Variants in CIMAP1D observed in about 807,000 individuals in gnomAD.
CIMAP1D encodes the protein protein CIMAP1D.
the CIMAP1D span, among the ~76,000 whole-genome samples, chr19:480,672 G>GGATGATGGAGAAC: frequency 2.6e-5 from 2 of 76,888 alleles, no homozygotes; most frequent in African/African-American, 1.5e-4. Flanking sequence ...TGATGGAGAA[G>GGATGATGGAGAAC]GATGATGGAG....
chr19:482,661 G>A, the CIMAP1D span, among the ~76,000 whole-genome samples: 1 of 152,138 alleles, frequency 6.6e-6, no homozygotes, highest in African/African-American at 2.4e-5. Context: ...CCAGCTCTGT[G>A]CTCACAGGCG....
the CIMAP1D span, among the ~76,000 whole-genome samples, chr19:483,559 G>A: frequency 6.6e-6 from 1 of 152,198 alleles, no homozygotes; most frequent in East Asian, 1.9e-4. Flanking sequence ...TGCCCCCAGG[G>A]GACGCTGGGC....
At chr19:483,435 GA>G in the CIMAP1D span, among the ~76,000 whole-genome samples, 1 of 152,194 alleles carries the variant, frequency 6.6e-6, no homozygotes, top group Non-Finnish European at 1.5e-5. Context: ...CCACCTGCCT[GA>G]GTTCCCTCAC....
the CIMAP1D span, chr19:464,296 G>A: frequency 1.3e-6 from 2 of 1,542,310 alleles, no homozygotes. Context: ...AAAGCCGGCG[G>A]TGTCCGATGG....
the CIMAP1D span, among the ~76,000 whole-genome samples, chr19:482,920 C>G: frequency 6.6e-6 from 1 of 152,174 alleles, no homozygotes; most frequent in Non-Finnish European, 1.5e-5. Context: ...GTGAACTTCC[C>G]AGGCAGACCT....
the CIMAP1D span, chr19:490,271 A>C: frequency 3.5e-6 from 1 of 286,104 alleles, no homozygotes; most frequent in Non-Finnish European, 6.4e-6. Flanking sequence ...CAGTAGAATC[A>C]CTTGAACCCG....
the CIMAP1D span, among the ~76,000 whole-genome samples, chr19:487,546 T>C: frequency 7.1e-3 from 1,076 of 152,316 alleles, 11 homozygotes; most frequent in African/African-American, 0.024. Context: ...GACGTGTGCC[T>C]GTGGTCCCAA....
the CIMAP1D span, among the ~76,000 whole-genome samples, chr19:481,184 T>TGGGAAGGATGATG: frequency 7.7e-5 from 9 of 117,296 alleles, no homozygotes; most frequent in Non-Finnish European, 1.3e-4. Flanking sequence ...AGAAGGAATG[T>TGGGAAGGATGATG]GGGAAGGATG....
chr19:464,016 G>T, the CIMAP1D span: 10 of 1,607,612 alleles, frequency 6.2e-6, no homozygotes, highest in Non-Finnish European at 7.6e-6. Flanking sequence ...CTCCTCCAGG[G>T]GTCGCGGGGC....
chr19:478,229 C>T, the CIMAP1D span, among the ~76,000 whole-genome samples: 3 of 152,220 alleles, frequency 2.0e-5, no homozygotes, highest in Admixed American at 6.5e-5. Context: ...GGGGCTCCCA[C>T]GGCTAAAGAG....
At chr19:484,431 G>A in the CIMAP1D span, among the ~76,000 whole-genome samples, 6 of 152,140 alleles carry the variant, frequency 3.9e-5, no homozygotes, top group African/African-American at 2.4e-5. Context: ...ATGAGCCACC[G>A]CGCCTGGCCT....
chr19:486,936 G>A, the CIMAP1D span, among the ~76,000 whole-genome samples: 1 of 151,978 alleles, frequency 6.6e-6, no homozygotes, highest in East Asian at 2.0e-4. Flanking sequence ...GAAAGAAATA[G>A]AGATGGGGTT....
the CIMAP1D span, among the ~76,000 whole-genome samples, chr19:468,620 C>T: frequency 0.018 from 2,744 of 152,320 alleles, 53 homozygotes; most frequent in African/African-American, 0.048. Flanking sequence ...CCTTGCACTT[C>T]CCGATTGAGA....
chr19:488,573 G>A, the CIMAP1D span, among the ~76,000 whole-genome samples: 3 of 152,232 alleles, frequency 2.0e-5, no homozygotes, highest in African/African-American at 4.8e-5. Context: ...CTCGTCCCTC[G>A]CGCTGCTGGG....
the CIMAP1D span, among the ~76,000 whole-genome samples, chr19:488,641 A>G: frequency 6.6e-6 from 1 of 151,514 alleles, no homozygotes; most frequent in Non-Finnish European, 1.5e-5. Flanking sequence ...TGACCCGCGA[A>G]GCGGGCCGGA....
At chr19:470,238 G>A in the CIMAP1D span, among the ~76,000 whole-genome samples, 10 of 141,986 alleles carry the variant, frequency 7.0e-5, no homozygotes, top group African/African-American at 1.6e-4. Context: ...ACGGAGTCTC[G>A]CTCTCTCACC....
the CIMAP1D span, among the ~76,000 whole-genome samples, chr19:480,149 G>A: frequency 2.0e-5 from 3 of 152,270 alleles, no homozygotes; most frequent in Admixed American, 6.5e-5. Flanking sequence ...CAGGCTGACA[G>A]GAACTGCACG....
chr19:480,290 G>A, the CIMAP1D span, among the ~76,000 whole-genome samples: 2 of 152,242 alleles, frequency 1.3e-5, no homozygotes, highest in African/African-American at 2.4e-5. Context: ...TGCACGGCCT[G>A]TGGACTGTGG....
At chr19:464,490 T>G in the CIMAP1D span, 1 of 684,230 alleles carries the variant, frequency 1.5e-6, no homozygotes, top group Non-Finnish European at 2.6e-6. Context: ...GGTGCCTTTC[T>G]CTCCCTTCCC....
Sources: allele counts gnomAD v4.1 joint callset (sites outside exome capture counted in the v4.1 genomes callset), GRCh38; gene constraint gnomAD v4.1.1; transcripts MANE v1.5; gene names NCBI Gene and HGNC (gene_info 2026-07-23, HGNC 2026-07-21).